The following SACS variants were observed in gnomAD, a reference collection of about 807,000 sequenced individuals.
SACS encodes the protein sacsin molecular chaperone, also known as sacsin.
SACS carries 197 observed loss-of-function variants against 348.0 expected under a neutral mutation model. The observed-to-expected ratio is 0.57, with a 90% confidence interval of 0.50 to 0.64. The LOEUF (loss-of-function observed/expected upper bound fraction) is 0.64, where lower values mean the gene tolerates loss of function less well. Among genes scored for constraint, SACS ranks in the 30% least tolerant of loss-of-function variants. SACS has a pLI of 0.00. For synonymous variants in SACS, 1,985 were observed against 1,910.6 expected, an observed-to-expected ratio of 1.04 and a Z score of -1.02; for missense variants, 4,999 against 5,360.8, an observed-to-expected ratio of 0.93 and a Z score of 2.11.
chr13:23,420,055 T>C (rs1873861042), intron 1 of SACS, among the ~76,000 whole-genome samples: 1 of 152,122 alleles, frequency 6.6e-6, no homozygotes, highest in Non-Finnish European at 1.5e-5. Flanking sequence ...GGACCTGGTG[T>C]TCACCTAGGG....
intron 1 of SACS, among the ~76,000 whole-genome samples, chr13:23,414,564 A>AAT (rs1459482851): frequency 6.6e-6 from 1 of 152,202 alleles, no homozygotes; most frequent in East Asian, 1.9e-4. Flanking sequence ...TATCTTTAAG[A>AAT]ATACATGTTC....
intron 2 of SACS, among the ~76,000 whole-genome samples, chr13:23,394,268 G>C (rs533268692): frequency 1.2e-4 from 19 of 152,154 alleles, no homozygotes; most frequent in African/African-American, 4.6e-4. Context: ...GTTGTAGCAA[G>C]AATGCTGCTA....
Position 23,332,286 on chromosome 13 carries a change from A to G in SACS, c.11590T>C (p.Ser3864Pro), listed in dbSNP as rs144695054. ...TTAGGATCTAATTGTTTGCCCTCAG[A>G]ATTTTTAAATATGCGGCTCAACACT... ...VEVLSRIFKN[S>P]EGKQLDPNEM... The change falls in exon 10 of 10, where the codon TCT becomes CCT. Residue 3864 changes from serine to proline, a missense_variant. Around this residue, in one of 6 missense-constraint regions of SACS, gnomAD observed 831 missense variants for 941.8 expected, o/e 0.88. Transcript: ENST00000382292. 1 of 1,614,018 alleles carries G rather than the reference A, an allele frequency of 6.2e-7. No homozygotes were observed. Among genetic ancestry groups the G allele is most frequent in the African/African-American group, 1.3e-5 (1 of 75,042 alleles).
At chr13:23,353,900 T>A in intron 8 of SACS, 24 bp from the exon 9 acceptor site, 1 of 1,237,480 alleles carries the variant, frequency 8.1e-7, no homozygotes, top group East Asian at 2.3e-5. Context: ...GGAACAGCAA[T>A]CATCATAATC....
chr13:23,405,407 C>T (rs1414428486), intron 2 of SACS, among the ~76,000 whole-genome samples: 1 of 152,264 alleles, frequency 6.6e-6, no homozygotes, highest in African/African-American at 2.4e-5. Context: ...AACATTAACT[C>T]AAGATGGATT....
intron 9 of SACS, among the ~76,000 whole-genome samples, chr13:23,350,955 C>T (rs771480577): frequency 1.3e-5 from 2 of 152,182 alleles, no homozygotes; most frequent in African/African-American, 2.4e-5. Flanking sequence ...TCCAGGGCTA[C>T]CTGTGACTAG....
In SACS at chr13:23,406,604, C is replaced by G. The variant is rs1043782802; in HGVS notation, c.20+4616G>C. 5.3e-5 allele frequency among the ~76,000 whole-genome samples: 8 copies of G among 152,278 alleles called. No homozygotes were observed. The East Asian group carries it at 1.4e-3, about 26-fold the overall frequency. ...ACTGCCAATTCCACATAAAACACTT[C>G]TCTTACCATGAATTCGTATCATGAA... On this transcript the variant is annotated intron_variant, in intron 2 of 9. Coordinates refer to ENST00000382292, the MANE Select transcript of SACS (RefSeq NM_014363.6).
chr13:23,413,935 G>A (rs867938714), intron 1 of SACS, among the ~76,000 whole-genome samples: 1 of 152,172 alleles, frequency 6.6e-6, no homozygotes, highest in African/African-American at 2.4e-5. Flanking sequence ...TTGGACTCCA[G>A]TTTGAAATGT....
In SACS at chr13:23,336,549, ATTC is replaced by A. The variant is rs780983471; in HGVS notation, c.7324_7326del (p.Glu2442del). On this transcript the variant is annotated inframe_deletion, in exon 10 of 10. Transcript: ENST00000382292. Reference sequence around the variant, plus strand: ...ATCTTGCCATAATTTTTCTCACAAAATTCTTGTTTCTTTTCTCTAATGAGACTC... The same window carrying A: ...ATCTTGCCATAATTTTTCTCACAAAATTGTTTCTTTTCTCTAATGAGACTC... 1.2e-6 allele frequency: 2 copies of A among 1,613,808 alleles called. No individual in the cohort carries two copies. Among genetic ancestry groups the A allele is most frequent in the Non-Finnish European group, 8.5e-7 (1 of 1,179,866 alleles).
Position 23,337,558 on chromosome 13 carries a change from A to G in SACS, c.6318T>C (p.Pro2106=). The stretch of plus-strand genomic sequence containing the variant: ...GGATCAATCTTGATGGCAAAACCAA[A>G]GGATGCCCCTCCAAGGAACAAGGAA... ...PCIPCSLEGH[P]LVLPSRLIHP... Residue 2106 remains proline, a synonymous_variant, in exon 10 of 10, where the codon CCT becomes CCC. Transcript: ENST00000382292. The G allele has an allele frequency of 6.2e-7, 1 of 1,614,014 alleles. No individual in the cohort carries two copies. The highest frequency in any genetic ancestry group is 1.1e-5 in the South Asian group (1 of 91,064).
Position 23,329,395 on chromosome 13 carries a change from C to T in SACS, c.*741G>A. On this transcript the variant is annotated 3_prime_UTR_variant, in exon 10 of 10. Coordinates refer to ENST00000382292, the MANE Select transcript of SACS (RefSeq NM_014363.6). Reference sequence around the variant, plus strand: ...TAACAGTTAATAAATGTTGTCTTGGCAAGCAGTTTCCAGAAACAATACTAA... The same window carrying T: ...TAACAGTTAATAAATGTTGTCTTGGTAAGCAGTTTCCAGAAACAATACTAA... 1 of 752,386 alleles carries T rather than the reference C, an allele frequency of 1.3e-6. No individual in the cohort carries two copies. Among genetic ancestry groups the T allele is most frequent in the South Asian group, 1.5e-5 (1 of 68,332 alleles). 46.6% of individuals were successfully genotyped at this position (752,386 alleles called of 1,614,324 possible).
Position 23,338,876 on chromosome 13 carries a change from G to A in SACS, c.5000C>T (p.Ala1667Val). The change falls in exon 10 of 10, where the codon GCA (alanine) becomes GTA (valine). Residue 1667 changes from alanine to valine, a missense_variant. Transcript: ENST00000382292. ...SEVSSTCYNT[A>V]DIYSLVDEFS... is the part of the protein sequence containing the mutation. ...TTCATCCACAAGAGAATAAATATCTGCTGTATTGTAGCACGTACTACTAAC... is the reference window on the plus strand; with the variant it reads ...TTCATCCACAAGAGAATAAATATCTACTGTATTGTAGCACGTACTACTAAC... The A allele has an allele frequency of 6.2e-7, 1 of 1,613,064 alleles. No individual in the cohort carries two copies. The highest frequency in any genetic ancestry group is 8.5e-7 in the Non-Finnish European group (1 of 1,179,764).
intron 2 of SACS, among the ~76,000 whole-genome samples, chr13:23,401,468 G>A (rs968764869): frequency 4.6e-5 from 7 of 152,194 alleles, no homozygotes; most frequent in African/African-American, 1.7e-4. Flanking sequence ...ATTGATGGAT[G>A]TCTCATGTCT....
Position 23,355,193 on chromosome 13 carries a change from G to T in SACS, c.1419C>A (p.Asn473Lys). ...GCTCTCTCCATTTTATGCTCCTGCG[G>T]TTATCAGTAAGGCCAAAGAACCCAC... is the stretch of plus-strand genomic sequence containing the variant. ...HISGFFGLTD[N>K]RRSIKWRELD... The change falls in exon 8 of 10, where the codon AAC becomes AAA. Residue 473 changes from asparagine (N) to lysine (K), a missense_variant. Around this residue, in one of 6 missense-constraint regions of SACS, gnomAD observed 3,156 missense variants for 3,380.1 expected, o/e 0.93. Transcript: ENST00000382292. 3.1e-6 allele frequency: 5 copies of T among 1,614,194 alleles called. No individual in the cohort carries two copies. The highest frequency in any genetic ancestry group is 4.2e-6 in the Non-Finnish European group (5 of 1,180,034).
Position 23,336,608 on chromosome 13 carries a change from A to G in SACS, c.7268T>C (p.Leu2423Pro), listed in dbSNP as rs1381856982. ...TKQITEENFQ[L>P]CRRIISEGIW... ...TCCTTCACTGATTATTCGTCGGCAA[A>G]GCTGAAAATTCTCTTCTGTTATTTG... is the stretch of plus-strand genomic sequence containing the variant. The change falls in exon 10 of 10, where the codon CTT (leucine) becomes CCT (proline). Residue 2423 changes from leucine (L) to proline (P), a missense_variant. Physicochemically the swap from Leu to Pro is moderately conservative, Grantham distance 98. Transcript: ENST00000382292. The G allele has an allele frequency of 4.3e-6, 7 of 1,613,732 alleles. No homozygotes were observed.
rs1202828099 is a variant in SACS at position 23,335,648 on chromosome 13, T to C, written c.8228A>G (p.His2743Arg). ...TTCACAAATAGAAATTTTTTCCATG[T>C]GATTAAGAAACATTAGAAGTTCTGC... Reference protein sequence around the residue: ...DGAELLMFLNHMEKISICEID... With the variant: ...DGAELLMFLNRMEKISICEID... Residue 2743 changes from histidine to arginine, a missense_variant, in exon 10 of 10, where the codon CAC becomes CGC. By Grantham distance (29) the His-to-Arg change is conservative. Transcript: ENST00000382292. This position sits in a 1 kb window ranked among gnomAD's most constrained non-coding sequence, Gnocchi z 4.7. 5 of 1,613,888 alleles carry C rather than the reference T, an allele frequency of 3.1e-6. No individual in the cohort carries two copies. The highest frequency in any genetic ancestry group is 1.7e-5 in the Admixed American group (1 of 59,994).
In SACS at chr13:23,371,132, A is replaced by C. The variant is rs749794993; in HGVS notation, c.205T>G (p.Ser69Ala). 9 of 1,612,138 alleles carry C rather than the reference A, an allele frequency of 5.6e-6. No homozygotes were observed. Among genetic ancestry groups the C allele is most frequent in the Middle Eastern group, 1.6e-4 (1 of 6,078 alleles). ...TTTACAAAAAGATGACAATTTTTGG[A>C]AGTCAGATCTCCAATCTTGATCCAG... ...SDWIKIGDLT[S>A]KNCHLFVNLQ... The change falls in exon 4 of 10, where the codon TCC (serine) becomes GCC (alanine). Residue 69 changes from serine to alanine, a missense_variant. Physicochemically the swap from Ser to Ala is moderately conservative, Grantham distance 99. This residue lies in a region of SACS where 3,156 missense variants were observed against 3,380.1 expected (regional missense o/e 0.93). Coordinates refer to ENST00000382292, the MANE Select transcript of SACS (RefSeq NM_014363.6).
chr13:23,341,478 T>C lies in SACS; in HGVS notation c.2398A>G (p.Met800Val). The C allele has an allele frequency of 2.5e-6, 4 of 1,613,994 alleles. No individual in the cohort carries two copies. Among genetic ancestry groups the C allele is most frequent in the Non-Finnish European group, 3.4e-6 (4 of 1,179,944 alleles). ...FSEDLTLFDE[M>V]PLIPRTILEE... is the part of the protein sequence containing the mutation. Reference sequence around the variant, plus strand: ...AGTATAGTTCTGGGGATAAGTGGCATCTCATCAAATAAAGTCAAATCCTCT... The same window carrying C: ...AGTATAGTTCTGGGGATAAGTGGCACCTCATCAAATAAAGTCAAATCCTCT... The change falls in exon 10 of 10, where the codon ATG (methionine) becomes GTG (valine). Residue 800 changes from methionine to valine, a missense_variant. Physicochemically the swap from Met to Val is conservative, Grantham distance 21 (BLOSUM62 1). Around this residue, in one of 6 missense-constraint regions of SACS, gnomAD observed 3,156 missense variants for 3,380.1 expected, o/e 0.93. Coordinates refer to ENST00000382292, the MANE Select transcript of SACS (RefSeq NM_014363.6).
At chr13:23,414,423 C>CA (rs5802233) in intron 1 of SACS, among the ~76,000 whole-genome samples, 22,637 of 152,210 alleles carry the variant, frequency 0.15, 1,884 homozygotes, top group South Asian at 0.27. Context: ...GCAGGACCTC[C>CA]AGGGCTATCT....
Sources: allele counts gnomAD v4.1 joint callset (sites outside exome capture counted in the v4.1 genomes callset), GRCh38; gene constraint gnomAD v4.1.1; regional missense constraint gnomAD v4.1.1; non-coding constraint Gnocchi (gnomAD v3.1); transcripts MANE v1.5; gene names NCBI Gene and HGNC (gene_info 2026-07-23, HGNC 2026-07-21).